SOX5: variants seen among roughly 807,000 people sequenced by gnomAD.
The protein encoded by SOX5 is transcription factor SOX-5.
In SOX5, 9 loss-of-function variants were observed where a neutral mutation model predicts 92.0. The observed-to-expected ratio is 0.10, with a 90% CI of 0.06 to 0.17. SOX5 has a LOEUF of 0.17. Ranked by LOEUF, SOX5 falls within the 10% of genes least tolerant of loss-of-function variation. The probability of loss-of-function intolerance (pLI) is 1.00; values close to 1 mark genes in which losing one functional copy is unlikely to be tolerated. For missense variants in SOX5, 642 were observed against 944.5 expected, an observed-to-expected ratio of 0.68 and a Z score of 4.20; for synonymous variants, 344 against 336.3, an observed-to-expected ratio of 1.02 and a Z score of -0.25.
At chr12:23,696,213 C>A (rs1017544270) in intron 6 of SOX5, among the ~76,000 whole-genome samples, 1 of 150,106 alleles carries the variant, frequency 6.7e-6, no homozygotes, top group Non-Finnish European at 1.5e-5. Context: ...ATTTTTTTTT[C>A]TTAAATATTT....
At chr12:24,354,210 C>A (rs1421239374) in intron 2 of SOX5, among the ~76,000 whole-genome samples, 3 of 152,212 alleles carry the variant, frequency 2.0e-5, no homozygotes, top group Non-Finnish European at 4.4e-5. Flanking sequence ...AGGGGAATGT[C>A]AATTCACCTG....
intron 8 of SOX5, among the ~76,000 whole-genome samples, chr12:23,634,602 A>C (rs2078979143): frequency 6.6e-6 from 1 of 152,216 alleles, no homozygotes; most frequent in Non-Finnish European, 1.5e-5. Flanking sequence ...AACAGTTACA[A>C]AATTAATGTC....
intron 9 of SOX5, among the ~76,000 whole-genome samples, chr12:23,593,567 T>C (rs1262782287): frequency 6.6e-6 from 1 of 152,172 alleles, no homozygotes; most frequent in Non-Finnish European, 1.5e-5. Context: ...GAATCTCATT[T>C]TATGAAATAT....
chr12:23,960,738 CCAATT>C (rs1946834801), intron 4 of SOX5, among the ~76,000 whole-genome samples: 2 of 151,336 alleles, frequency 1.3e-5, no homozygotes, highest in Non-Finnish European at 2.9e-5. Flanking sequence ...TAACTGAACA[CCAATT>C]CATATAGTAC....
Position 24,298,011 on chromosome 12 carries a change from T to A in SOX5, c.-173-20699A>T, listed in dbSNP as rs547138165. On this transcript the variant is annotated intron_variant, in intron 2 of 4. Coordinates refer to the SOX5 transcript ENST00000446891. ...CTATGAATACGCATTACTCCTTTTT[T>A]TCAAAGTGACAATTTCTCCTTCAAA... is the stretch of plus-strand genomic sequence containing the variant. 5.9e-5 allele frequency among the ~76,000 whole-genome samples: 9 copies of A among 152,326 alleles called. No homozygotes were observed. In the East Asian group the frequency reaches 9.6e-4, roughly 16 times the overall value.
chr12:24,284,936 C>T (rs1945675745), intron 2 of SOX5, among the ~76,000 whole-genome samples: 1 of 152,118 alleles, frequency 6.6e-6, no homozygotes, highest in African/African-American at 2.4e-5. Flanking sequence ...ACCAGCCTGA[C>T]CAACATGGTG....
At chr12:23,686,844 A>G (rs567359933) in intron 6 of SOX5, among the ~76,000 whole-genome samples, 1 of 152,210 alleles carries the variant, frequency 6.6e-6, no homozygotes, top group African/African-American at 2.4e-5. Context: ...GGAGGAGACA[A>G]CAACAGTAAA....
At chr12:24,148,774 C>T (rs1317236718) in intron 4 of SOX5, among the ~76,000 whole-genome samples, 1 of 150,870 alleles carries the variant, frequency 6.6e-6, no homozygotes, top group Non-Finnish European at 1.5e-5. Flanking sequence ...CATATAGTCC[C>T]AGCTACTTGG....
chr12:24,049,231 A>C (rs115932435), intron 4 of SOX5, among the ~76,000 whole-genome samples: 196 of 152,288 alleles, frequency 1.3e-3, no homozygotes, highest in African/African-American at 4.5e-3. Context: ...GTGTTAGGTC[A>C]AGGTAGACTT....
intron 4 of SOX5, among the ~76,000 whole-genome samples, chr12:24,148,140 C>A (rs1007376229): frequency 6.6e-6 from 1 of 151,762 alleles, no homozygotes; most frequent in African/African-American, 2.4e-5. Context: ...GGTGCACCAA[C>A]CAGATTTGAT....
At chr12:23,646,189 T>G (rs936450381) in intron 7 of SOX5, among the ~76,000 whole-genome samples, 3 of 152,090 alleles carry the variant, frequency 2.0e-5, no homozygotes, top group Non-Finnish European at 4.4e-5. Context: ...TACTTATTTA[T>G]TTTGAGACAG....
chr12:24,208,631 A>T (rs1295758010), intron 4 of SOX5, among the ~76,000 whole-genome samples: 1 of 152,184 alleles, frequency 6.6e-6, no homozygotes, highest in African/African-American at 2.4e-5. Flanking sequence ...CACCTTGTAG[A>T]TCTTTTGCAG....
chr12:23,870,862 T>C (rs1378795393), intron 2 of SOX5, among the ~76,000 whole-genome samples: 1 of 152,134 alleles, frequency 6.6e-6, no homozygotes, highest in Non-Finnish European at 1.5e-5. Context: ...TACTATGATG[T>C]AGTTTTTTTT....
At chr12:23,717,623 T>C (rs913820077) in intron 6 of SOX5, among the ~76,000 whole-genome samples, 2 of 152,154 alleles carry the variant, frequency 1.3e-5, no homozygotes, top group Admixed American at 6.5e-5. Flanking sequence ...AGAGCCTCAG[T>C]GAAAGAGTCC....
At chr12:23,987,060 C>T (rs571868712) in intron 4 of SOX5, among the ~76,000 whole-genome samples, 31 of 152,274 alleles carry the variant, frequency 2.0e-4, no homozygotes, top group African/African-American at 5.8e-4. Flanking sequence ...AGACTGATTT[C>T]AACTGCTGAT....
chr12:24,349,766 C>T (rs1409844704), intron 2 of SOX5, among the ~76,000 whole-genome samples: 1 of 152,108 alleles, frequency 6.6e-6, no homozygotes, highest in Non-Finnish European at 1.5e-5. Context: ...CTCTTTGAAA[C>T]CTTGCTTTCA....
chr12:24,067,872 C>T (rs572565038), intron 4 of SOX5, among the ~76,000 whole-genome samples: 1 of 152,168 alleles, frequency 6.6e-6, no homozygotes, highest in Non-Finnish European at 1.5e-5. Flanking sequence ...AGGCCAGGTG[C>T]GGCGGCTCAC....
chr12:24,338,379 GTTC>G (rs1952155825), intron 2 of SOX5, among the ~76,000 whole-genome samples: 1 of 152,150 alleles, frequency 6.6e-6, no homozygotes, highest in Non-Finnish European at 1.5e-5. Flanking sequence ...CATGTGCTCT[GTTC>G]TTCATGTAAA....
At chr12:24,203,823 CT>C (rs1274819645) in intron 4 of SOX5, among the ~76,000 whole-genome samples, 2 of 152,126 alleles carry the variant, frequency 1.3e-5, no homozygotes, top group South Asian at 2.1e-4. Flanking sequence ...TAGATTAGCT[CT>C]TTTTTATCCA....
Sources: gnomAD v4.1 joint callset for allele counts (sites outside exome capture counted in the v4.1 genomes callset) on GRCh38, gnomAD v4.1.1 for gene constraint, MANE v1.5 for transcripts, NCBI Gene and HGNC (gene_info 2026-07-23, HGNC 2026-07-21) for gene names.